The following SETBP1 variants were observed in gnomAD, a reference collection of about 807,000 sequenced individuals.
SETBP1 encodes the protein SET-binding protein.
In SETBP1, 9 loss-of-function variants were observed where a neutral mutation model predicts 101.0. That is an observed-to-expected ratio of 0.09 (90% CI 0.05 to 0.16). SETBP1 has a LOEUF of 0.16. Ranked by LOEUF, SETBP1 falls within the 10% of genes least tolerant of loss-of-function variation. SETBP1 has a pLI of 1.00. For synonymous variants in SETBP1, 818 were observed against 788.5 expected (o/e 1.04, Z -0.63); for missense variants, 1,858 against 2,033.8 (o/e 0.91, Z 1.66).
chr18:44,851,778 G>C (rs185248270), intron 2 of SETBP1, among the ~76,000 whole-genome samples: 407 of 152,216 alleles, frequency 2.7e-3, no homozygotes, highest in Non-Finnish European at 4.6e-3. Context: ...TCTGCCATCT[G>C]CCCCATTCTC....
rs781122837 is a variant in SETBP1, at chr18:44,701,427, C to T, written c.81C>T (p.Pro27=). The T allele has an allele frequency of 6.2e-7, 1 of 1,601,714 alleles. No homozygotes were observed. Among genetic ancestry groups the T allele is most frequent in the Non-Finnish European group, 8.5e-7 (1 of 1,173,426 alleles). Residue 27 remains proline, a synonymous_variant, in exon 2 of 6, where the codon CCC becomes CCT. Coordinates refer to ENST00000649279, the MANE Select transcript of SETBP1 (RefSeq NM_015559.3). ...TCCTGCCGGTCTCCTCAGCCAAGCC[C>T]CCAGCTGCTCCTGGCTGTGCAGGAG... ...SDFLPVSSAK[P]PAAPGCAGEP...
intron 3 of SETBP1, among the ~76,000 whole-genome samples, chr18:44,874,532 G>A (rs1599259199): frequency 6.6e-6 from 1 of 152,184 alleles, no homozygotes; most frequent in Admixed American, 6.5e-5. Context: ...TGAGGACCGT[G>A]GGGGTATCAC....
intron 2 of SETBP1, among the ~76,000 whole-genome samples, chr18:44,773,793 CCTCT>C (rs377709717): frequency 2.6e-3 from 349 of 133,184 alleles, no homozygotes; most frequent in South Asian, 4.3e-3. Flanking sequence ...TCTCAACCAG[CCTCT>C]CTCTCTCTCT....
intron 2 of SETBP1, among the ~76,000 whole-genome samples, chr18:44,786,622 G>A (rs2144706033): frequency 6.6e-6 from 1 of 152,320 alleles, no homozygotes; most frequent in South Asian, 2.1e-4. Context: ...GGGGAGGGGA[G>A]AATGCATTTG....
In SETBP1 at chr18:45,038,648, G is replaced by A. The variant is rs773446890; in HGVS notation, c.4164G>A (p.Ser1388=). 6 of 1,614,032 alleles carry A rather than the reference G, an allele frequency of 3.7e-6. No homozygotes were observed. The highest frequency in any genetic ancestry group is 5.1e-6 in the Non-Finnish European group (6 of 1,179,976). ...LSLLAASAAT[S]DAVGSSLKKR... ...TCCTTGCTGCATCTGCAGCAACGTCGGATGCAGGTGAGCACTTTTCAGATG... is the reference window on the plus strand; with the variant it reads ...TCCTTGCTGCATCTGCAGCAACGTCAGATGCAGGTGAGCACTTTTCAGATG... Residue 1388 remains serine, a synonymous_variant, in exon 5 of 6, where the codon TCG becomes TCA. Transcript: ENST00000649279.
At chr18:44,793,817 A>G (rs1274157288) in intron 2 of SETBP1, among the ~76,000 whole-genome samples, 2 of 152,182 alleles carry the variant, frequency 1.3e-5, no homozygotes, top group Non-Finnish European at 2.9e-5. Context: ...GATGTTTAGG[A>G]TTCATGGCAT....
chr18:44,953,100 G>A lies in SETBP1; in HGVS notation c.3760G>A (p.Glu1254Lys), dbSNP rs1363966450. The A allele has an allele frequency of 2.5e-6, 4 of 1,614,176 alleles. No individual in the cohort carries two copies. The highest frequency in any genetic ancestry group is 2.2e-5 in the East Asian group (1 of 44,880). ...CAAGGAAAAAGGAGACTTGAGCAGT[G>A]AGCCTGTGGACTCATGCACGAAAAG... ...QAKEKGDLSS[E>K]PVDSCTKRYS... The change falls in exon 4 of 6, where the codon GAG becomes AAG. Residue 1254 changes from glutamate to lysine, a missense_variant. This residue lies in a region of SETBP1 where 417 missense variants were observed against 389.1 expected (regional missense o/e 1.07). Transcript: ENST00000649279.
At chr18:44,994,630 A>T (rs534921858) in intron 4 of SETBP1, among the ~76,000 whole-genome samples, 1 of 152,294 alleles carries the variant, frequency 6.6e-6, no homozygotes, top group South Asian at 2.1e-4. Context: ...TGAACACTGG[A>T]CACAACTTGG....
At chr18:44,782,681 G>A (rs1277500456) in intron 2 of SETBP1, among the ~76,000 whole-genome samples, 1 of 152,194 alleles carries the variant, frequency 6.6e-6, no homozygotes, top group African/African-American at 2.4e-5. Context: ...TCAACCCACA[G>A]GGATTGATAG....
chr18:44,865,074 A>G lies in SETBP1; in HGVS notation c.487-4156A>G, dbSNP rs1417049277. Among the ~76,000 whole-genome samples, 6 of 152,168 alleles carry G rather than the reference A, an allele frequency of 3.9e-5. No individual in the cohort carries two copies. The East Asian group carries it at 1.2e-3, about 29-fold the overall frequency. On this transcript the variant is annotated intron_variant, in intron 2 of 5. Coordinates refer to ENST00000649279, the MANE Select transcript of SETBP1 (RefSeq NM_015559.3). ...AGCTTTAGGGTAGAAATCAGCAGCCAGTTATGTCTGGTTGTCAGCGCTGGA... is the reference window on the plus strand; with the variant it reads ...AGCTTTAGGGTAGAAATCAGCAGCCGGTTATGTCTGGTTGTCAGCGCTGGA...
intron 2 of SETBP1, among the ~76,000 whole-genome samples, chr18:44,750,294 G>C (rs998373869): frequency 6.6e-6 from 1 of 152,130 alleles, no homozygotes; most frequent in African/African-American, 2.4e-5. Flanking sequence ...CCTCTTTCTG[G>C]TTTGTGGATG....
chr18:44,865,676 G>T (rs1010027291), intron 2 of SETBP1, among the ~76,000 whole-genome samples: 1 of 152,122 alleles, frequency 6.6e-6, no homozygotes, highest in African/African-American at 2.4e-5. Context: ...TTTATGTTTG[G>T]CCCAACAGCC....
chr18:44,963,180 A>G (rs76206851), intron 4 of SETBP1, among the ~76,000 whole-genome samples: 1,592 of 152,294 alleles, frequency 0.01, 18 homozygotes, highest in African/African-American at 0.037. Context: ...ATATTTCTTA[A>G]GTATTTGATC....
intron 3 of SETBP1, among the ~76,000 whole-genome samples, chr18:44,891,751 C>T (rs929721002): frequency 1.3e-5 from 2 of 152,154 alleles, no homozygotes; most frequent in African/African-American, 4.8e-5. Context: ...CTTTATCTGA[C>T]CAATTCAGAG....
intron 5 of SETBP1, among the ~76,000 whole-genome samples, chr18:45,052,034 G>A (rs967317240): frequency 6.6e-6 from 1 of 152,082 alleles, no homozygotes; most frequent in African/African-American, 2.4e-5. Context: ...TTGATTTCAA[G>A]TAAGTCAGCT....
chr18:44,896,260 ACT>A (rs960657453), intron 3 of SETBP1, among the ~76,000 whole-genome samples: 1 of 151,956 alleles, frequency 6.6e-6, no homozygotes, highest in Non-Finnish European at 1.5e-5. Context: ...ATCATAAAGG[ACT>A]CTCTGACAAA....
At chr18:44,852,616 A>G (rs1001185261) in intron 2 of SETBP1, among the ~76,000 whole-genome samples, 2 of 152,034 alleles carry the variant, frequency 1.3e-5, no homozygotes, top group Admixed American at 6.6e-5. Flanking sequence ...CCTCCATCCC[A>G]TTTTATTTTC....
intron 3 of SETBP1, among the ~76,000 whole-genome samples, chr18:44,925,533 C>T (rs1166864774): frequency 6.6e-6 from 1 of 152,198 alleles, no homozygotes; most frequent in African/African-American, 2.4e-5. Flanking sequence ...CTTCCTTTCT[C>T]CCAAACCCTC....
Position 44,791,115 on chromosome 18 carries a change from C to T in SETBP1, c.487-78115C>T, listed in dbSNP as rs117872796. On this transcript the variant is annotated intron_variant, in intron 2 of 5. Transcript: ENST00000649279. ...CTAGAGCTACTTTGCATAAGAGGTGCGCTGAAGGCAGGATTTTGTCCTGCC... is the reference window on the plus strand; with the variant it reads ...CTAGAGCTACTTTGCATAAGAGGTGTGCTGAAGGCAGGATTTTGTCCTGCC... 6.5e-4 allele frequency among the ~76,000 whole-genome samples: 99 copies of T among 152,092 alleles called. 1 individual carries two copies. In the East Asian group the frequency reaches 0.019, roughly 29 times the overall value.
Sources: gnomAD v4.1 joint callset for allele counts (sites outside exome capture counted in the v4.1 genomes callset) on GRCh38, gnomAD v4.1.1 for gene constraint, gnomAD v4.1.1 regional missense constraint, MANE v1.5 for transcripts, NCBI Gene and HGNC (gene_info 2026-07-23, HGNC 2026-07-21) for gene names.